Variants in ANTXR1 observed in about 807,000 individuals in gnomAD.
ANTXR1 encodes anthrax toxin receptor 1.
A neutral mutation model predicts 78.1 loss-of-function variants in ANTXR1; 19 were observed. The ratio of observed to expected loss-of-function variants is 0.24; its 90% CI spans 0.17 to 0.36. The LOEUF is 0.36. Ranked by LOEUF, ANTXR1 falls within the 10% of genes least tolerant of loss-of-function variation. The pLI, the probability that ANTXR1 is intolerant of heterozygous loss-of-function variation, is 1.00. For synonymous variants in ANTXR1, 273 were observed against 260.5 expected (o/e 1.05, Z -0.46); for missense variants, 518 against 718.6 (o/e 0.72, Z 3.19).
intron 9 of ANTXR1, among the ~76,000 whole-genome samples, chr2:69,098,088 G>T: frequency 6.6e-6 from 1 of 152,312 alleles, no homozygotes; most frequent in East Asian, 1.9e-4. Context: ...GGGAGTGGAG[G>T]TAGGGAGGGC....
At chr2:69,099,234 T>C (rs1671530186) in intron 9 of ANTXR1, among the ~76,000 whole-genome samples, 1 of 152,262 alleles carries the variant, frequency 6.6e-6, no homozygotes, top group South Asian at 2.1e-4. Flanking sequence ...GTCTTGCTTC[T>C]TTTATTTAGC....
At chr2:69,190,656 A>G (rs1399324134) in intron 16 of ANTXR1, among the ~76,000 whole-genome samples, 1 of 152,198 alleles carries the variant, frequency 6.6e-6, no homozygotes, top group Non-Finnish European at 1.5e-5. Flanking sequence ...CATCTAACCC[A>G]TAGAGCTGGT....
chr2:69,205,109 A>G (rs191804478), intron 17 of ANTXR1, among the ~76,000 whole-genome samples: 153 of 152,326 alleles, frequency 1.0e-3, no homozygotes, highest in Middle Eastern at 6.8e-3. Context: ...ACAGCTCCAC[A>G]TGGTAGATAG....
intron 9 of ANTXR1, among the ~76,000 whole-genome samples, chr2:69,102,223 T>C (rs1671643165): frequency 6.6e-6 from 1 of 152,248 alleles, no homozygotes. Flanking sequence ...GAGATAGGAA[T>C]GCCATAGTGG....
intron 14 of ANTXR1, among the ~76,000 whole-genome samples, chr2:69,180,195 C>T (rs948648845): frequency 4.6e-5 from 7 of 152,210 alleles, no homozygotes; most frequent in Non-Finnish European, 7.3e-5. Flanking sequence ...TGCTTTTTTG[C>T]ACCTTGCCTC....
At chr2:69,188,690 G>A (rs1674481980) in intron 16 of ANTXR1, among the ~76,000 whole-genome samples, 2 of 152,248 alleles carry the variant, frequency 1.3e-5, no homozygotes, top group Admixed American at 6.5e-5. Flanking sequence ...CTTCACAGAA[G>A]CAGTTGGGCA....
At chr2:69,206,135 C>T (rs1674895867) in intron 17 of ANTXR1, among the ~76,000 whole-genome samples, 1 of 152,128 alleles carries the variant, frequency 6.6e-6, no homozygotes, top group African/African-American at 2.4e-5. Flanking sequence ...CACCTCTGTC[C>T]ATTTCTGTGT....
At chr2:69,138,331 G>T (rs1366540407) in intron 12 of ANTXR1, among the ~76,000 whole-genome samples, 1 of 152,156 alleles carries the variant, frequency 6.6e-6, no homozygotes, top group African/African-American at 2.4e-5. Flanking sequence ...CTGAGAATGG[G>T]AGATGACCCA....
chr2:69,037,685 G>A (rs1669484217), intron 1 of ANTXR1, among the ~76,000 whole-genome samples: 1 of 152,046 alleles, frequency 6.6e-6, no homozygotes, highest in African/African-American at 2.4e-5. Flanking sequence ...AGCCAGGCTG[G>A]TCTGGAACTC....
At chr2:69,106,843 T>C (rs1671822810) in intron 10 of ANTXR1, among the ~76,000 whole-genome samples, 1 of 151,618 alleles carries the variant, frequency 6.6e-6, no homozygotes, top group East Asian at 1.9e-4. Context: ...TCAAGATGAA[T>C]GAAACAAACA....
At chr2:69,215,391 T>C (rs1371609689) in intron 17 of ANTXR1, among the ~76,000 whole-genome samples, 1 of 152,234 alleles carries the variant, frequency 6.6e-6, no homozygotes, top group Non-Finnish European at 1.5e-5. Flanking sequence ...GATGTTTCCC[T>C]ATTAGGCAAC....
chr2:69,018,115 C>T (rs570052061), intron 1 of ANTXR1, among the ~76,000 whole-genome samples: 4 of 152,064 alleles, frequency 2.6e-5, no homozygotes, highest in South Asian at 4.2e-4. Flanking sequence ...CAGGAGTAAA[C>T]GCTGAGCAGC....
At chr2:69,029,089 C>T (rs1049084914) in intron 1 of ANTXR1, among the ~76,000 whole-genome samples, 9 of 149,452 alleles carry the variant, frequency 6.0e-5, no homozygotes, top group East Asian at 2.0e-4. Flanking sequence ...ATTAGCCAGG[C>T]GTGGTGGCGC....
At chr2:69,152,372 CT>C in intron 13 of ANTXR1, 108 bp downstream of exon 13, 1 of 1,165,242 alleles carries the variant, frequency 8.6e-7, no homozygotes, top group Non-Finnish European at 1.3e-6. Flanking sequence ...GGAGACAAAT[CT>C]TGCATTTTTT....
At chr2:69,094,662 CAG>C (rs942074373) in intron 9 of ANTXR1, among the ~76,000 whole-genome samples, 3 of 152,188 alleles carry the variant, frequency 2.0e-5, no homozygotes, top group Non-Finnish European at 4.4e-5. Context: ...TCCTCTAAGA[CAG>C]TGATCTCAGC....
At chr2:69,100,891 T>C (rs1167073742) in intron 9 of ANTXR1, among the ~76,000 whole-genome samples, 2 of 152,230 alleles carry the variant, frequency 1.3e-5, no homozygotes, top group Non-Finnish European at 2.9e-5. Context: ...CCCATCTTTC[T>C]AAACGTAGCA....
intron 14 of ANTXR1, among the ~76,000 whole-genome samples, chr2:69,173,020 C>T (rs541809720): frequency 6.6e-6 from 1 of 152,176 alleles, no homozygotes; most frequent in Admixed American, 6.5e-5. Context: ...ATGTAATCAC[C>T]TTCCATGGAT....
intron 1 of ANTXR1, among the ~76,000 whole-genome samples, chr2:69,035,136 A>T (rs1671643298): frequency 6.6e-6 from 1 of 151,746 alleles, no homozygotes; most frequent in Admixed American, 6.6e-5. Flanking sequence ...CAGCAAATTC[A>T]TCCCTATGCA....
rs75098614 is a variant in ANTXR1 at position 69,014,828 on chromosome 2, T to G, written c.152+1177T>G. ...GCAGTTGCCCCTGGAGTTTGATTTT[T>G]CCGTAAAGGCTGTTTTGAACTCCAG... On this transcript the variant is annotated intron_variant, in intron 1 of 17. Coordinates refer to ENST00000303714, the MANE Select transcript of ANTXR1 (RefSeq NM_032208.3). 8.0e-3 allele frequency among the ~76,000 whole-genome samples: 1,218 copies of G among 152,336 alleles called. 9 individuals carry two copies. Among genetic ancestry groups the G allele is most frequent in the Non-Finnish European group, 0.013 (878 of 68,026 alleles).
Sources: gnomAD v4.1 joint callset for allele counts (sites outside exome capture counted in the v4.1 genomes callset) on GRCh38, gnomAD v4.1.1 for gene constraint, MANE v1.5 for transcripts, NCBI Gene and HGNC (gene_info 2026-07-23, HGNC 2026-07-21) for gene names.